The following PACSIN2 variants were observed in gnomAD, a reference collection of about 807,000 sequenced individuals.
The protein encoded by PACSIN2 is protein kinase C and casein kinase substrate in neurons protein 2.
In PACSIN2, 25 loss-of-function variants were observed where a neutral mutation model predicts 63.8. The observed-to-expected ratio is 0.39, with a 90% confidence interval of 0.29 to 0.55. The LOEUF is 0.55. PACSIN2 is among the 20% of genes least tolerant of loss of function. The probability of loss-of-function intolerance (pLI) is 0.62; values close to 1 mark genes in which losing one functional copy is unlikely to be tolerated. For missense variants in PACSIN2, 518 were observed against 646.9 expected, an observed-to-expected ratio of 0.80 and a Z score of 2.16; for synonymous variants, 255 against 256.2, an observed-to-expected ratio of 1.00 and a Z score of 0.05.
At chr22:42,913,412 G>A (rs949426573) in intron 1 of PACSIN2, among the ~76,000 whole-genome samples, 4 of 151,100 alleles carry the variant, frequency 2.6e-5, no homozygotes, top group African/African-American at 9.7e-5. Context: ...CTGGGAGGTG[G>A]AGGTTGCGGT....
rs75466009 is a variant in PACSIN2 at position 42,878,321 on chromosome 22, C to T, written c.1028+727G>A. Among the ~76,000 whole-genome samples the T allele has an allele frequency of 4.8e-3, 738 of 152,220 alleles. 5 individuals are homozygous for T. Among genetic ancestry groups the T allele is most frequent in the Non-Finnish European group, 8.6e-3 (584 of 68,006 alleles). ...ACGACAGCCACACCTGCTGGGGAGC[C>T]TGGGTGGGGGCTTCAGTGCCTGGGG... On this transcript the variant is annotated intron_variant, in intron 8 of 10. Coordinates refer to ENST00000263246, the MANE Select transcript of PACSIN2 (RefSeq NM_001184970.3).
chr22:42,921,051 C>T (rs896881804), intron 1 of PACSIN2, among the ~76,000 whole-genome samples: 9 of 151,836 alleles, frequency 5.9e-5, no homozygotes, highest in African/African-American at 2.2e-4. Context: ...TGTGCCTGCT[C>T]CAGGGTCATT....
intron 3 of PACSIN2, among the ~76,000 whole-genome samples, chr22:42,891,399 T>C (rs1225579008): frequency 6.6e-6 from 1 of 152,178 alleles, no homozygotes; most frequent in African/African-American, 2.4e-5. Flanking sequence ...TTACATGCCT[T>C]TCCTTTATTT....
intron 1 of PACSIN2, among the ~76,000 whole-genome samples, chr22:42,982,888 A>AAAAAAAAAAAAAAAAAAACAAC (rs759532303): frequency 1.9e-4 from 20 of 105,188 alleles, no homozygotes; most frequent in Non-Finnish European, 3.1e-4. Context: ...AAAAAAAAAA[A>AAAAAAAAAAAAAAAAAAACAAC]AACAACAACA....
chr22:42,917,841 C>CCTTTAA (rs1931914637), intron 1 of PACSIN2, among the ~76,000 whole-genome samples: 3 of 151,960 alleles, frequency 2.0e-5, no homozygotes. Flanking sequence ...CCCCGGCTGG[C>CCTTTAA]CTTTAACTCC....
At chr22:42,887,627 A>ACC (rs1281120939) in intron 5 of PACSIN2, among the ~76,000 whole-genome samples, 1 of 150,940 alleles carries the variant, frequency 6.6e-6, no homozygotes, top group Non-Finnish European at 1.5e-5. Context: ...CCCAGCCCTC[A>ACC]CCCCTCATGG....
At chr22:42,937,514 T>C (rs889610173) in intron 1 of PACSIN2, among the ~76,000 whole-genome samples, 1 of 152,110 alleles carries the variant, frequency 6.6e-6, no homozygotes, top group Non-Finnish European at 1.5e-5. Flanking sequence ...TCTGAGCCCC[T>C]GCCTAGATGT....
At chr22:42,958,875 C>T (rs1363959762) in intron 1 of PACSIN2, among the ~76,000 whole-genome samples, 2 of 152,110 alleles carry the variant, frequency 1.3e-5, no homozygotes, top group Non-Finnish European at 2.9e-5. Context: ...ACTTAAGTAT[C>T]AGGATTTTAA....
At chr22:42,937,860 G>A (rs1016609494) in intron 1 of PACSIN2, among the ~76,000 whole-genome samples, 4 of 152,164 alleles carry the variant, frequency 2.6e-5, no homozygotes, top group African/African-American at 9.7e-5. Context: ...AGCCCCGCAG[G>A]GGGACCCTTC....
At chr22:42,901,272 G>A (rs1930666209) in intron 2 of PACSIN2, among the ~76,000 whole-genome samples, 1 of 152,144 alleles carries the variant, frequency 6.6e-6, no homozygotes, top group African/African-American at 2.4e-5. Flanking sequence ...AGAGTCAAAT[G>A]TTTTATCCAA....
intron 2 of PACSIN2, among the ~76,000 whole-genome samples, chr22:42,898,205 G>T (rs2146686994): frequency 6.6e-6 from 1 of 152,210 alleles, no homozygotes; most frequent in East Asian, 1.9e-4. Context: ...TCCCAGACAG[G>T]TTTCTCTGCA....
intron 5 of PACSIN2, among the ~76,000 whole-genome samples, chr22:42,885,220 T>C (rs1022660029): frequency 6.6e-6 from 1 of 152,110 alleles, no homozygotes; most frequent in African/African-American, 2.4e-5. Flanking sequence ...TCCTAAGACA[T>C]GGCTAAAGTG....
At chr22:42,872,597 C>T (rs1195134977) in intron 10 of PACSIN2, among the ~76,000 whole-genome samples, 1 of 152,266 alleles carries the variant, frequency 6.6e-6, no homozygotes, top group Non-Finnish European at 1.5e-5. Flanking sequence ...CTGGGGCTTC[C>T]AGTGCTCCCC....
chr22:42,991,679 A>G (rs1223799321), intron 1 of PACSIN2, among the ~76,000 whole-genome samples: 6 of 152,182 alleles, frequency 3.9e-5, no homozygotes, highest in Non-Finnish European at 8.8e-5. Flanking sequence ...TGAGAACAGT[A>G]AACAGTCATG....
At chr22:42,929,127 C>T (rs1245968692) in intron 1 of PACSIN2, among the ~76,000 whole-genome samples, 2 of 152,364 alleles carry the variant, frequency 1.3e-5, no homozygotes, top group Non-Finnish European at 2.9e-5. Context: ...CCAGGCCTGA[C>T]GGCCGCCCTG....
At chr22:42,975,600 G>T (rs1921643290) in intron 1 of PACSIN2, among the ~76,000 whole-genome samples, 2 of 133,694 alleles carry the variant, frequency 1.5e-5, no homozygotes, top group African/African-American at 2.9e-5. Flanking sequence ...AGATACATGT[G>T]TATAAGTATT....
chr22:42,922,156 CAG>C (rs1345917469), intron 1 of PACSIN2, among the ~76,000 whole-genome samples: 2 of 152,182 alleles, frequency 1.3e-5, no homozygotes, highest in Non-Finnish European at 2.9e-5. Context: ...TACAGTGAGT[CAG>C]AGCCATTCCT....
At chr22:42,952,461 C>A (rs945453556) in intron 1 of PACSIN2, among the ~76,000 whole-genome samples, 9 of 151,128 alleles carry the variant, frequency 6.0e-5, no homozygotes, top group Non-Finnish European at 1.2e-4. Flanking sequence ...TTGGTTCAAG[C>A]GATTCTCCTG....
chr22:43,014,230 G>A (rs1371584595), intron 1 of PACSIN2, among the ~76,000 whole-genome samples: 1 of 150,812 alleles, frequency 6.6e-6, no homozygotes, highest in African/African-American at 2.5e-5. Flanking sequence ...GGGAAACTCT[G>A]AGGAGGGTCA....
Sources: gnomAD v4.1 joint callset for allele counts (sites outside exome capture counted in the v4.1 genomes callset) on GRCh38, gnomAD v4.1.1 for gene constraint, MANE v1.5 for transcripts, NCBI Gene and HGNC (gene_info 2026-07-23, HGNC 2026-07-21) for gene names.